The following ZBTB20 variants were observed in gnomAD, a reference collection of about 807,000 sequenced individuals.
ZBTB20 encodes the protein zinc finger and BTB domain containing 20.
Under a neutral mutation model 56.9 loss-of-function variants are expected in ZBTB20, and 9 were observed. The ratio of observed to expected loss-of-function variants is 0.16; its 90% CI spans 0.10 to 0.28. ZBTB20 has a LOEUF of 0.28. ZBTB20 is among the 10% of genes least tolerant of loss of function. The pLI is 1.00. For missense variants in ZBTB20, 655 were observed against 1,003.0 expected (o/e 0.65, Z 4.69); for synonymous variants, 417 against 420.7 (o/e 0.99, Z 0.11).
chr3:114,547,645 T>C (rs921362179), intron 6 of ZBTB20, among the ~76,000 whole-genome samples: 1 of 152,164 alleles, frequency 6.6e-6, no homozygotes, highest in African/African-American at 2.4e-5. Flanking sequence ...TGTGTTACTA[T>C]AGGCACACAG....
intron 6 of ZBTB20, among the ~76,000 whole-genome samples, chr3:114,534,942 T>C (rs567085337): frequency 6.6e-6 from 1 of 152,062 alleles, no homozygotes; most frequent in Non-Finnish European, 1.5e-5. Flanking sequence ...TTGAAACCAA[T>C]GAGAACAAAG....
chr3:115,039,296 G>T (rs764700828), intron 2 of ZBTB20, among the ~76,000 whole-genome samples: 2 of 151,976 alleles, frequency 1.3e-5, no homozygotes, highest in Non-Finnish European at 2.9e-5. Flanking sequence ...AGAATCAAGG[G>T]TATTACATGT....
At chr3:114,558,674 A>T (rs2051585462) in intron 6 of ZBTB20, among the ~76,000 whole-genome samples, 3 of 152,104 alleles carry the variant, frequency 2.0e-5, no homozygotes, top group Admixed American at 6.6e-5. Flanking sequence ...CTACACAGAA[A>T]CTGTAGTGAT....
intron 3 of ZBTB20, among the ~76,000 whole-genome samples, chr3:114,966,280 G>A (rs1023621590): frequency 6.6e-6 from 1 of 151,836 alleles, no homozygotes; most frequent in Non-Finnish European, 1.5e-5. Context: ...GATAAACTTG[G>A]GGAAATTAGG....
chr3:114,538,975 T>C (rs572578018), intron 6 of ZBTB20, among the ~76,000 whole-genome samples: 1 of 152,282 alleles, frequency 6.6e-6, no homozygotes, highest in Admixed American at 6.5e-5. Context: ...CCTTCAATGG[T>C]TTCCAGTCCT....
chr3:114,543,113 G>A (rs1439393879), intron 6 of ZBTB20, among the ~76,000 whole-genome samples: 3 of 151,936 alleles, frequency 2.0e-5, no homozygotes, highest in African/African-American at 4.8e-5. Context: ...ATATGAAGTG[G>A]CACAGTATTT....
At chr3:114,536,011 G>A (rs1463641772) in intron 6 of ZBTB20, among the ~76,000 whole-genome samples, 1 of 152,086 alleles carries the variant, frequency 6.6e-6, no homozygotes, top group Non-Finnish European at 1.5e-5. Flanking sequence ...AATAATAAGG[G>A]CTATTTATGA....
At chr3:114,354,550 G>A (rs1472383741) in intron 10 of ZBTB20, among the ~76,000 whole-genome samples, 1 of 143,742 alleles carries the variant, frequency 7.0e-6, no homozygotes, top group Non-Finnish European at 1.5e-5. Flanking sequence ...AATCCTATGT[G>A]TGTTCTGAAC....
At chr3:115,036,164 A>T (rs989371685) in intron 2 of ZBTB20, among the ~76,000 whole-genome samples, 3 of 152,174 alleles carry the variant, frequency 2.0e-5, no homozygotes, top group Admixed American at 2.0e-4. Flanking sequence ...TAATGGGTTC[A>T]CAATAATATG....
rs898326820 is a variant in ZBTB20 at position 114,333,132 on chromosome 3, C to T, written c.*5873G>A. On this transcript the variant is annotated 3_prime_UTR_variant, in exon 12 of 12. Transcript: ENST00000675478. ...TTTGCAATATTTTGGTCAGGCTGAT[C>T]GTCTTGATACTCAGTGCTAGAAATG... 3 of 152,158 alleles carry T rather than the reference C, an allele frequency of 2.0e-5. No homozygotes were observed. The highest frequency in any genetic ancestry group is 4.8e-5 in the African/African-American group (2 of 41,430). 9.4% of individuals were successfully genotyped at this position (152,158 alleles called of 1,614,324 possible).
chr3:114,753,248 GTATATAATGTATATATGTATA>G (rs2067703517), intron 5 of ZBTB20, among the ~76,000 whole-genome samples: 1 of 59,152 alleles, frequency 1.7e-5, no homozygotes, highest in African/African-American at 4.6e-5. Flanking sequence ...ATGTATACCT[GTATATAATGTATATATGTATA>G]CCTGTATATA....
chr3:114,610,130 G>C (rs745844864), intron 6 of ZBTB20, among the ~76,000 whole-genome samples: 13 of 152,104 alleles, frequency 8.5e-5, no homozygotes, highest in Non-Finnish European at 1.8e-4. Flanking sequence ...ACATGGTTTT[G>C]ACCCGCAGTT....
chr3:115,091,180 C>T (rs918745742), intron 1 of ZBTB20, among the ~76,000 whole-genome samples: 1 of 151,990 alleles, frequency 6.6e-6, no homozygotes, highest in Non-Finnish European at 1.5e-5. Context: ...ACTCTGCCTA[C>T]TTGCAATTCA....
At chr3:115,069,464 A>G (rs897229040) in intron 2 of ZBTB20, among the ~76,000 whole-genome samples, 1 of 151,836 alleles carries the variant, frequency 6.6e-6, no homozygotes, top group Non-Finnish European at 1.5e-5. Flanking sequence ...CCATATCCCA[A>G]GCTTTCTGAT....
chr3:114,724,041 T>A (rs1275304453), intron 5 of ZBTB20, among the ~76,000 whole-genome samples: 1 of 151,748 alleles, frequency 6.6e-6, no homozygotes, highest in Non-Finnish European at 1.5e-5. Flanking sequence ...GCTAATTTTT[T>A]TTTTTGTATT....
Position 114,388,683 on chromosome 3 carries a change from C to G in ZBTB20, c.-154+322G>C, listed in dbSNP as rs1043517695. The G allele has an allele frequency of 2.0e-5, 3 of 152,328 alleles. No homozygotes were observed. In the East Asian group the frequency reaches 5.8e-4, roughly 29 times the overall value. The allele number at this position is 152,328 out of a possible 1,614,324, so 9.4% of individuals were successfully genotyped here. A position where few individuals can be genotyped will look rare whatever the true frequency, so the allele number is the denominator to read the frequency against. Reference sequence around the variant, plus strand: ...AGTGGCACGGAAGGATGATGAGAAGCAAACAGATTAGGAGAAGCTGCCACC... The same window carrying G: ...AGTGGCACGGAAGGATGATGAGAAGGAAACAGATTAGGAGAAGCTGCCACC... On this transcript the variant is annotated intron_variant, in intron 8 of 11. Transcript: ENST00000675478.
chr3:114,752,666 T>C (rs927272911), intron 5 of ZBTB20, among the ~76,000 whole-genome samples: 2 of 152,220 alleles, frequency 1.3e-5, no homozygotes, highest in African/African-American at 4.8e-5. Flanking sequence ...TGTTTTACAA[T>C]TAGGTTGTTA....
chr3:114,729,997 T>C (rs1040540528), intron 5 of ZBTB20, among the ~76,000 whole-genome samples: 3 of 148,000 alleles, frequency 2.0e-5, no homozygotes, highest in Admixed American at 6.8e-5. Flanking sequence ...AGGGTTTTGC[T>C]TGGGGGCCCA....
Position 114,325,343 on chromosome 3 carries a change from A to C in ZBTB20, c.*13662T>G, listed in dbSNP as rs976528494. On this transcript the variant is annotated 3_prime_UTR_variant, in exon 12 of 12. Coordinates refer to ENST00000675478, the MANE Select transcript of ZBTB20 (RefSeq NM_001348800.3). ...GAGTAACTAGCCTTTGTTTTCAAAG[A>C]TTCCCCTAGTTGTGAACATGCATAA... is the stretch of plus-strand genomic sequence containing the variant. 1 of 152,174 alleles carries C rather than the reference A, an allele frequency of 6.6e-6. No homozygotes were observed. The allele number at this position is 152,174 out of a possible 1,614,324, so 9.4% of individuals were successfully genotyped here.
Sources: gnomAD v4.1 joint callset for allele counts (sites outside exome capture counted in the v4.1 genomes callset) on GRCh38, gnomAD v4.1.1 for gene constraint, MANE v1.5 for transcripts, NCBI Gene and HGNC (gene_info 2026-07-23, HGNC 2026-07-21) for gene names.